DLL3: variants seen among roughly 807,000 people sequenced by gnomAD.
The protein encoded by DLL3 is delta like canonical Notch ligand 3.
A neutral mutation model predicts 55.0 loss-of-function variants in DLL3; 49 were observed. The ratio of observed to expected loss-of-function variants is 0.89; its 90% confidence interval spans 0.71 to 1.13. The LOEUF is 1.13. Ranked by LOEUF, DLL3 falls within the 50% of genes most tolerant of loss-of-function variation. The pLI is 0.00. For synonymous variants in DLL3, 421 were observed against 385.2 expected (o/e 1.09, Z -1.09); for missense variants, 962 against 875.5 (o/e 1.10, Z -1.25).
Position 39,507,182 on chromosome 19 carries a change from C to A in DLL3, c.1237C>A (p.His413Asn). Residue 413 changes from histidine to asparagine, a missense_variant, in exon 7 of 9, where the codon CAC (histidine) becomes AAC (asparagine). Transcript: ENST00000356433. Reference protein sequence around the residue: ...GGTCVEGGGAHRCSCALGFGG... With the variant: ...GGTCVEGGGANRCSCALGFGG... The stretch of plus-strand genomic sequence containing the variant: ...CACGTGTGTGGAGGGCGGCGGCGCG[C>A]ACCGCTGCTCCTGCGCGCTGGGCTT... The A allele has an allele frequency of 7.6e-7, 1 of 1,318,036 alleles. No individual in the cohort carries two copies. The highest frequency in any genetic ancestry group is 9.6e-7 in the Non-Finnish European group (1 of 1,043,076). The allele number at this position is 1,318,036 out of a possible 1,614,324, so 81.6% of individuals were successfully genotyped here.
Position 39,507,565 on chromosome 19 carries a change from C to G in DLL3, c.1620C>G (p.Leu540=). 1 of 1,608,744 alleles carries G rather than the reference C, an allele frequency of 6.2e-7. No homozygotes were observed. The highest frequency in any genetic ancestry group is 1.3e-5 in the African/African-American group (1 of 74,942). Residue 540 remains leucine, a synonymous_variant, in exon 7 of 9, where the codon CTC becomes CTG. Transcript: ENST00000356433. The part of the protein sequence containing the change: ...AGTPEPSVHA[L]PDALNNLRTQ... ...CCCCGGAGCCGTCAGTCCACGCACT[C>G]CCGGATGCACTCAACAACCTAAGGA...
chr19:39,508,268 C>T lies in DLL3; in HGVS notation c.*11C>T. ...TGTTTCTAGGCCTGACGCGTCTCCTCCATCCGCACCTGGAGTCAGAGCGTG... is the reference window on the plus strand; with the variant it reads ...TGTTTCTAGGCCTGACGCGTCTCCTTCATCCGCACCTGGAGTCAGAGCGTG... On this transcript the variant is annotated 3_prime_UTR_variant, in exon 9 of 9. Coordinates refer to ENST00000356433, the MANE Select transcript of DLL3 (RefSeq NM_203486.3). 1.2e-6 allele frequency: 2 copies of T among 1,613,976 alleles called. No homozygotes were observed. The highest frequency in any genetic ancestry group is 1.7e-6 in the Non-Finnish European group (2 of 1,179,986).
intron 6 of DLL3, chr19:39,505,768 G>A (rs2079636984): frequency 2.7e-6 from 1 of 375,784 alleles, no homozygotes; most frequent in Admixed American, 3.8e-5. Flanking sequence ...AAGCCAGTGT[G>A]GTTATACTGA....
chr19:39,506,956 A>C, intron 6 of DLL3, 83 bp from the exon 7 acceptor site: 1 of 1,413,918 alleles, frequency 7.1e-7, no homozygotes, highest in African/African-American at 1.4e-5. Context: ...GACCCCGTGC[A>C]GCGATGACAG....
At chr19:39,502,789 C>G in intron 3 of DLL3, 26 bp from the exon 4 acceptor site, 4 of 1,396,496 alleles carry the variant, frequency 2.9e-6, no homozygotes, top group Non-Finnish European at 3.7e-6. Flanking sequence ...CCCACCCCAG[C>G]ACCCCTCCTT....
In DLL3 at chr19:39,507,266, G is replaced by A. The variant is rs1326835744; in HGVS notation, c.1321G>A (p.Gly441Ser). The A allele has an allele frequency of 3.9e-6, 6 of 1,530,322 alleles. No homozygotes were observed. The highest frequency in any genetic ancestry group is 1.8e-4 in the Middle Eastern group (1 of 5,602). The allele number at this position is 1,530,322 out of a possible 1,614,324, so 94.8% of individuals were successfully genotyped here. A position where few individuals can be genotyped will look rare whatever the true frequency, so the allele number is the denominator to read the frequency against. ...DPCAARPCAHGGRCYAHFSGL... is the reference protein window; with the variant it reads ...DPCAARPCAHSGRCYAHFSGL... ...GTGCGCCGCGCGCCCCTGTGCTCAC[G>A]GCGGCCGCTGCTACGCCCACTTCTC... Residue 441 changes from glycine to serine, a missense_variant, in exon 7 of 9, where the codon GGC becomes AGC. By Grantham distance (56) the Gly-to-Ser change is moderately conservative. Coordinates refer to ENST00000356433, the MANE Select transcript of DLL3 (RefSeq NM_203486.3).
At position 39,499,605 on chromosome 19, in the gene DLL3, G is replaced by C. The variant is rs3212275; in HGVS notation, c.351+132G>C. 347,737 of 1,166,040 alleles carry C rather than the reference G, an allele frequency of 0.3. 55,123 individuals are homozygous for C. The highest frequency in any genetic ancestry group is 0.38 in the Middle Eastern group (1,924 of 5,058). The allele number at this position is 1,166,040 out of a possible 1,614,324, so 72.2% of individuals were successfully genotyped here. A position where few individuals can be genotyped will look rare whatever the true frequency, so the allele number is the denominator to read the frequency against. On this transcript the variant is annotated intron_variant, in intron 2 of 8. Coordinates refer to ENST00000356433, the MANE Select transcript of DLL3 (RefSeq NM_203486.3). ...GGGGGTGGACGAAATTCCCAGACCA[G>C]TAACTCTACCGTCTGGAACCCCACA...
intron 5 of DLL3, 71 bp from the exon 6 acceptor site, chr19:39,505,158 T>G: frequency 6.7e-7 from 1 of 1,503,230 alleles, no homozygotes; most frequent in Non-Finnish European, 9.2e-7. Context: ...CCCCAGTGGT[T>G]AGGACTGAGG....
At chr19:39,500,959 C>T (rs770974670) in intron 3 of DLL3, among the ~76,000 whole-genome samples, 113 of 152,018 alleles carry the variant, frequency 7.4e-4, no homozygotes, top group Middle Eastern at 6.8e-3. Context: ...GTTGAGAGCT[C>T]AGGGTGCGAT....
intron 2 of DLL3, among the ~76,000 whole-genome samples, chr19:39,500,301 C>T (rs578068012): frequency 3.3e-5 from 5 of 149,618 alleles, no homozygotes; most frequent in South Asian, 2.1e-4. Context: ...TGGTGACATG[C>T]GCGTGTAGTC....
In DLL3 at chr19:39,502,811, G is replaced by C; in HGVS notation, c.410-4G>C. ...CAGCACCCCTCCTTTGCCTGTCCTC[G>C]CAGGGCCCGCCTGGAGCCTGCTGGC... On this transcript the variant is annotated splice_region_variant and splice_polypyrimidine_tract_variant and intron_variant, in intron 3 of 8. Coordinates refer to ENST00000356433, the MANE Select transcript of DLL3 (RefSeq NM_203486.3). 7.1e-7 allele frequency: 1 copy of C among 1,417,100 alleles called. No individual in the cohort carries two copies. Among genetic ancestry groups the C allele is most frequent in the Non-Finnish European group, 9.2e-7 (1 of 1,090,956 alleles). 87.8% of individuals were successfully genotyped at this position (1,417,100 alleles called of 1,614,324 possible).
In DLL3 at chr19:39,504,129, C is replaced by A; in HGVS notation, c.711C>A (p.Cys237Ter). 1 of 1,612,966 alleles carries A rather than the reference C, an allele frequency of 6.2e-7. No individual in the cohort carries two copies. The highest frequency in any genetic ancestry group is 8.5e-7 in the Non-Finnish European group (1 of 1,180,028). The stretch of plus-strand genomic sequence containing the variant: ...GCTTCTGTGAACAGCCCGGTGAATG[C>A]CGATGCCTAGAGGGCTGGACTGGAC... ...EHGFCEQPGE[C>*]RCLEGWTGPL... Residue 237 changes from cysteine to a stop codon, truncating the protein, a stop_gained, in exon 5 of 9, where the codon TGC (cysteine) becomes TGA (stop). Coordinates refer to ENST00000356433, the MANE Select transcript of DLL3 (RefSeq NM_203486.3). LOFTEE classifies it high-confidence loss of function.
chr19:39,501,005 T>C (rs1332025938), intron 3 of DLL3, among the ~76,000 whole-genome samples: 1 of 151,848 alleles, frequency 6.6e-6, no homozygotes, highest in East Asian at 1.9e-4. Flanking sequence ...TGAAGTTTTT[T>C]TTTTTTCTTT....
Position 39,507,921 on chromosome 19 carries a change from A to G in DLL3, c.1758+7A>G, listed in dbSNP as rs748080617. 1 of 1,613,940 alleles carries G rather than the reference A, an allele frequency of 6.2e-7. No homozygotes were observed. The highest frequency in any genetic ancestry group is 2.2e-5 in the East Asian group (1 of 44,846). On this transcript the variant is annotated splice_region_variant and intron_variant, in intron 8 of 8. Coordinates refer to ENST00000356433, the MANE Select transcript of DLL3 (RefSeq NM_203486.3). ...TTCCATCTACGCTCGGGAGGTAGCG[A>G]CGCCCCTTTTCCCCCCGCTACACAC...
intron 6 of DLL3, among the ~76,000 whole-genome samples, chr19:39,506,211 C>CAAAAAA (rs541216671): frequency 5.5e-5 from 3 of 54,534 alleles, no homozygotes; most frequent in African/African-American, 7.5e-5. Flanking sequence ...CACTCTGTCT[C>CAAAAAA]AAAAAAAAAA....
chr19:39,499,110 A>G lies in DLL3; in HGVS notation c.69+67A>G, dbSNP rs567899140. Reference sequence around the variant, plus strand: ...GGAGGGGAGGGGTGAGTGCGACCTGAAGGTCCTGGGGAAGGAGCGTGGGGC... The same window carrying G: ...GGAGGGGAGGGGTGAGTGCGACCTGGAGGTCCTGGGGAAGGAGCGTGGGGC... On this transcript the variant is annotated intron_variant, in intron 1 of 8. Transcript: ENST00000356433. 7 of 1,613,010 alleles carry G rather than the reference A, an allele frequency of 4.3e-6. No individual in the cohort carries two copies. The Admixed American group carries it at 1.0e-4, about 23-fold the overall frequency.
Position 39,502,817 on chromosome 19 carries a change from C to T in DLL3, c.412C>T (p.Pro138Ser). Residue 138 changes from proline to serine, a missense_variant and splice_region_variant, in exon 4 of 9, where the codon CCC becomes TCC. Coordinates refer to ENST00000356433, the MANE Select transcript of DLL3 (RefSeq NM_203486.3). ...REELGDQIGG[P>S]AWSLLARVAG... Reference sequence around the variant, plus strand: ...CCCTCCTTTGCCTGTCCTCGCAGGGCCCGCCTGGAGCCTGCTGGCGCGCGT... The same window carrying T: ...CCCTCCTTTGCCTGTCCTCGCAGGGTCCGCCTGGAGCCTGCTGGCGCGCGT... 7.0e-7 allele frequency: 1 copy of T among 1,420,868 alleles called. No individual in the cohort carries two copies. Among genetic ancestry groups the T allele is most frequent in the South Asian group, 1.5e-5 (1 of 65,738 alleles). 88.0% of individuals were successfully genotyped at this position (1,420,868 alleles called of 1,614,324 possible). A position where few individuals can be genotyped will look rare whatever the true frequency, so the allele number is the denominator to read the frequency against.
Position 39,502,944 on chromosome 19 carries a change from C to T in DLL3, c.539C>T (p.Pro180Leu), listed in dbSNP as rs1472714221. 6.2e-6 allele frequency: 9 copies of T among 1,442,926 alleles called. No homozygotes were observed. Among genetic ancestry groups the T allele is most frequent in the Non-Finnish European group, 8.1e-6 (9 of 1,104,460 alleles). The allele number at this position is 1,442,926 out of a possible 1,614,324, so 89.4% of individuals were successfully genotyped here. A position where few individuals can be genotyped will look rare whatever the true frequency, so the allele number is the denominator to read the frequency against. ...TTCTCGTACCGCGCGCGCTGCGAGCCGCCTGCCGTCGGGACCGCGTGCACG... is the reference window on the plus strand; with the variant it reads ...TTCTCGTACCGCGCGCGCTGCGAGCTGCCTGCCGTCGGGACCGCGTGCACG... ...LRFSYRARCE[P>L]PAVGTACTRL... The change falls in exon 4 of 9, where the codon CCG becomes CTG. Residue 180 changes from proline to leucine, a missense_variant. Physicochemically the swap from Pro to Leu is moderately conservative, Grantham distance 98 (BLOSUM62 -3). Transcript: ENST00000356433.
At position 39,505,419 on chromosome 19, in the gene DLL3, T is replaced by C. The variant is rs1371797376; in HGVS notation, c.1061T>C (p.Val354Ala). 2 of 1,613,880 alleles carry C rather than the reference T, an allele frequency of 1.2e-6. No individual in the cohort carries two copies. The highest frequency in any genetic ancestry group is 1.1e-5 in the South Asian group (1 of 91,062). Residue 354 changes from valine (V) to alanine (A), a missense_variant, in exon 6 of 9, where the codon GTG (valine) becomes GCG (alanine). By Grantham distance (64) the Val-to-Ala change is moderately conservative. Transcript: ENST00000356433. ...GFQGSNCEKR[V>A]DRCSLQPCRN... Reference sequence around the variant, plus strand: ...CAAGGCTCCAACTGTGAGAAGAGGGTGGACCGGTGCAGCCTGCAGCCATGC... The same window carrying C: ...CAAGGCTCCAACTGTGAGAAGAGGGCGGACCGGTGCAGCCTGCAGCCATGC...
Sources: gnomAD v4.1 joint callset for allele counts (sites outside exome capture counted in the v4.1 genomes callset) on GRCh38, gnomAD v4.1.1 for gene constraint, MANE v1.5 for transcripts, NCBI Gene and HGNC (gene_info 2026-07-23, HGNC 2026-07-21) for gene names.